Variants in SEMA3E observed in about 807,000 individuals in gnomAD.
SEMA3E encodes the protein semaphorin-3E.
In SEMA3E, 49 loss-of-function variants were observed where a neutral mutation model predicts 93.6. The ratio of observed to expected loss-of-function variants is 0.52; its 90% CI spans 0.42 to 0.66. SEMA3E has a LOEUF of 0.66. Among genes scored for constraint, SEMA3E ranks in the 30% least tolerant of loss-of-function variants. SEMA3E has a pLI of 0.00. For synonymous variants in SEMA3E, 363 were observed against 330.7 expected, an observed-to-expected ratio of 1.10 and a Z score of -1.06; for missense variants, 906 against 964.8, an observed-to-expected ratio of 0.94 and a Z score of 0.81.
chr7:83,605,891 G>A (rs1218780192), intron 1 of SEMA3E, among the ~76,000 whole-genome samples: 1 of 152,146 alleles, frequency 6.6e-6, no homozygotes, highest in Non-Finnish European at 1.5e-5. Flanking sequence ...CTCCCGTTCT[G>A]TAGGTTGCCT....
chr7:83,443,916 GATAT>G (rs60405752), intron 4 of SEMA3E, among the ~76,000 whole-genome samples: 37,140 of 147,098 alleles, frequency 0.25, 4,892 homozygotes, highest in Middle Eastern at 0.36. Flanking sequence ...ATAATGACCT[GATAT>G]ATATATATAT....
rs185063971 is a variant in SEMA3E at position 83,365,891 on chromosome 7, A to T, written c.*1695T>A. On this transcript the variant is annotated 3_prime_UTR_variant, in exon 17 of 17. Coordinates refer to ENST00000643230, the MANE Select transcript of SEMA3E (RefSeq NM_012431.3). ...CAGGCTTTTACTGAATATAGTTTTT[A>T]AAAATACATTTCACTACATAGTCTT... 6.6e-6 allele frequency: 1 copy of T among 152,232 alleles called. No homozygotes were observed. The highest frequency in any genetic ancestry group is 6.5e-5 in the Admixed American group (1 of 15,290). 9.4% of individuals were successfully genotyped at this position (152,232 alleles called of 1,614,324 possible).
rs575440870 is a variant in SEMA3E, at chr7:83,520,942, G to A, written c.116-30668C>T. On this transcript the variant is annotated intron_variant, in intron 1 of 16. Transcript: ENST00000643230. ...CTTGGCTCTGTTTACTTCTCTACAC[G>A]TATGGGGCATTAGGTTGTGGGGTGA... Among the ~76,000 whole-genome samples, 69 of 152,288 alleles carry A rather than the reference G, an allele frequency of 4.5e-4. 1 individual carries two copies. Among genetic ancestry groups the A allele is most frequent in the Middle Eastern group, 3.4e-3 (1 of 294 alleles).
intron 1 of SEMA3E, among the ~76,000 whole-genome samples, chr7:83,604,382 C>A (rs1028538988): frequency 1.3e-5 from 2 of 151,434 alleles, no homozygotes; most frequent in Non-Finnish European, 1.5e-5. Context: ...GTAGAAATGA[C>A]ACAGTTTTTT....
At chr7:83,429,714 C>T (rs935348887) in intron 4 of SEMA3E, among the ~76,000 whole-genome samples, 3 of 152,202 alleles carry the variant, frequency 2.0e-5, no homozygotes, top group Admixed American at 1.3e-4. Flanking sequence ...TCCCCTCTCC[C>T]TCATCCAATC....
intron 16 of SEMA3E, among the ~76,000 whole-genome samples, chr7:83,370,991 A>C (rs947515150): frequency 2.0e-5 from 3 of 152,158 alleles, no homozygotes; most frequent in African/African-American, 7.2e-5. Flanking sequence ...TAGAACCCAA[A>C]ATTGCTTAAT....
chr7:83,452,960 A>G (rs915554015), intron 4 of SEMA3E, among the ~76,000 whole-genome samples: 1 of 152,280 alleles, frequency 6.6e-6, no homozygotes, highest in Non-Finnish European at 1.5e-5. Context: ...GCATACTCCA[A>G]TGGATAAAAT....
In SEMA3E at chr7:83,557,006, A is replaced by G. The variant is rs187751965; in HGVS notation, c.116-66732T>C. On this transcript the variant is annotated intron_variant, in intron 1 of 16. Transcript: ENST00000643230. ...GTTTGATCTTTGACTTCCAGCCTCC[A>G]GAACTAAGAAACAAATTCATGTTCT... Among the ~76,000 whole-genome samples the G allele has an allele frequency of 2.2e-3, 329 of 152,312 alleles. 1 individual carries two copies. Among genetic ancestry groups the G allele is most frequent in the Non-Finnish European group, 3.6e-3 (243 of 68,028 alleles).
chr7:83,431,103 A>AAAAAAAAAAAAG (rs1562779285), intron 4 of SEMA3E, among the ~76,000 whole-genome samples: 13 of 147,342 alleles, frequency 8.8e-5, no homozygotes, highest in Non-Finnish European at 8.9e-5. Context: ...AGAAAAAAAA[A>AAAAAAAAAAAAG]AAAAGCCCAA....
chr7:83,472,168 G>T (rs2722990), intron 2 of SEMA3E, among the ~76,000 whole-genome samples: 132,848 of 152,192 alleles, frequency 0.87, 58,625 homozygotes, highest in Non-Finnish European at 0.94. Flanking sequence ...ATACACAACA[G>T]AAGAATTACT....
At chr7:83,572,238 T>C (rs942554102) in intron 1 of SEMA3E, among the ~76,000 whole-genome samples, 2 of 151,926 alleles carry the variant, frequency 1.3e-5, no homozygotes, top group Non-Finnish European at 2.9e-5. Context: ...AAAATTCATA[T>C]TGAACCAAAA....
intron 1 of SEMA3E, among the ~76,000 whole-genome samples, chr7:83,625,179 T>C (rs1369573338): frequency 6.6e-6 from 1 of 152,174 alleles, no homozygotes; most frequent in East Asian, 1.9e-4. Flanking sequence ...GCTTTGTTCT[T>C]TTTGCTTAGG....
chr7:83,394,017 A>T lies in SEMA3E; in HGVS notation c.1500+280T>A, dbSNP rs370852910. ...AACTTTTGTCAGAATCAATCAATGGACATAAAGTTTCAGTCAAACAAGATT... is the reference window on the plus strand; with the variant it reads ...AACTTTTGTCAGAATCAATCAATGGTCATAAAGTTTCAGTCAAACAAGATT... On this transcript the variant is annotated intron_variant, in intron 13 of 16. Transcript: ENST00000643230. Among the ~76,000 whole-genome samples the T allele has an allele frequency of 1.8e-4, 28 of 152,282 alleles. 1 individual carries two copies. The highest frequency in any genetic ancestry group is 6.3e-4 in the African/African-American group (26 of 41,586).
At chr7:83,415,440 T>A (rs1162663105) in intron 5 of SEMA3E, among the ~76,000 whole-genome samples, 1 of 152,140 alleles carries the variant, frequency 6.6e-6, no homozygotes, top group East Asian at 1.9e-4. Context: ...GATTAGTTTC[T>A]GAATATATAT....
At chr7:83,467,822 C>T (rs1373368634) in intron 3 of SEMA3E, among the ~76,000 whole-genome samples, 2 of 152,018 alleles carry the variant, frequency 1.3e-5, no homozygotes, top group Non-Finnish European at 2.9e-5. Flanking sequence ...GAGCACAGCA[C>T]CTAATACATA....
intron 1 of SEMA3E, among the ~76,000 whole-genome samples, chr7:83,638,386 C>A (rs1004493985): frequency 6.6e-6 from 1 of 152,124 alleles, no homozygotes; most frequent in African/African-American, 2.4e-5. Flanking sequence ...AGGAAAACTT[C>A]TCTTTGAGAC....
chr7:83,612,217 T>C (rs1793280585), intron 1 of SEMA3E, among the ~76,000 whole-genome samples: 1 of 152,164 alleles, frequency 6.6e-6, no homozygotes, highest in African/African-American at 2.4e-5. Flanking sequence ...AGAGTACTAC[T>C]CAACCAATAG....
At chr7:83,645,848 G>A (rs768130713) in intron 1 of SEMA3E, among the ~76,000 whole-genome samples, 2 of 151,780 alleles carry the variant, frequency 1.3e-5, no homozygotes, top group African/African-American at 2.4e-5. Context: ...AAGGGGAGAG[G>A]AAAAGGGCAA....
intron 4 of SEMA3E, among the ~76,000 whole-genome samples, chr7:83,458,103 A>G (rs1789528290): frequency 6.6e-6 from 1 of 151,536 alleles, no homozygotes; most frequent in Non-Finnish European, 1.5e-5. Flanking sequence ...GTGGGATATT[A>G]TTTCAATCAT....
Sources: gnomAD v4.1 joint callset for allele counts (sites outside exome capture counted in the v4.1 genomes callset) on GRCh38, gnomAD v4.1.1 for gene constraint, MANE v1.5 for transcripts, NCBI Gene and HGNC (gene_info 2026-07-23, HGNC 2026-07-21) for gene names.